FAM78B: variants seen among roughly 807,000 people sequenced by gnomAD.
FAM78B encodes family with sequence similarity 78 member B, also known as protein FAM78B.
FAM78B carries 10 observed loss-of-function variants against 20.0 expected under a neutral mutation model. That is an observed-to-expected ratio of 0.50 (90% confidence interval 0.31 to 0.85). FAM78B has a LOEUF of 0.85. Among genes scored for constraint, FAM78B ranks in the 40% least tolerant of loss-of-function variants. The pLI is 0.05. For synonymous variants in FAM78B, 135 were observed against 132.8 expected (o/e 1.02, Z -0.12); for missense variants, 283 against 345.0 (o/e 0.82, Z 1.42).
intron 1 of FAM78B, among the ~76,000 whole-genome samples, chr1:166,163,346 T>C (rs1656232970): frequency 6.6e-6 from 1 of 152,252 alleles, no homozygotes. Flanking sequence ...ATCATAGCCA[T>C]CAACTATTTC....
At chr1:166,116,590 A>C (rs544134724) in intron 1 of FAM78B, among the ~76,000 whole-genome samples, 1 of 152,300 alleles carries the variant, frequency 6.6e-6, no homozygotes, top group Non-Finnish European at 1.5e-5. Flanking sequence ...AGCATGATCC[A>C]CCTGCCCTCT....
At chr1:166,158,872 G>A (rs1656025651) in intron 1 of FAM78B, among the ~76,000 whole-genome samples, 2 of 152,380 alleles carry the variant, frequency 1.3e-5, no homozygotes. Context: ...TATTCACCAG[G>A]ATGCTCTGCT....
intron 1 of FAM78B, among the ~76,000 whole-genome samples, chr1:166,084,793 C>T (rs548335594): frequency 2.0e-5 from 3 of 152,276 alleles, no homozygotes; most frequent in South Asian, 2.1e-4. Context: ...TCAGGCTTGC[C>T]ACCTGCGCAT....
intron 1 of FAM78B, among the ~76,000 whole-genome samples, chr1:166,103,677 C>T (rs989365016): frequency 1.3e-5 from 2 of 152,154 alleles, no homozygotes; most frequent in African/African-American, 4.8e-5. Context: ...TCTGAATAGA[C>T]CGATAATAGA....
At chr1:166,141,795 T>C (rs1655289341) in intron 1 of FAM78B, among the ~76,000 whole-genome samples, 1 of 152,190 alleles carries the variant, frequency 6.6e-6, no homozygotes, top group Non-Finnish European at 1.5e-5. Flanking sequence ...CACTGACAGA[T>C]GCAAAGCTGT....
intron 1 of FAM78B, among the ~76,000 whole-genome samples, chr1:166,148,949 C>T (rs1249403459): frequency 2.6e-5 from 4 of 152,202 alleles, no homozygotes; most frequent in Admixed American, 2.6e-4. Context: ...CCAATTTCAT[C>T]CTTGTCCCTA....
chr1:166,152,704 A>T (rs1239046447), intron 1 of FAM78B, among the ~76,000 whole-genome samples: 1 of 151,204 alleles, frequency 6.6e-6, no homozygotes, highest in Non-Finnish European at 1.5e-5. Flanking sequence ...TTATTGATGG[A>T]ATCTCGCTCT....
chr1:166,156,291 G>T (rs1655893013), intron 1 of FAM78B, among the ~76,000 whole-genome samples: 1 of 152,228 alleles, frequency 6.6e-6, no homozygotes, highest in African/African-American at 2.4e-5. Flanking sequence ...CATTTAGGTG[G>T]TCCTGTTTAC....
At chr1:166,083,253 T>A (rs1557893079) in intron 1 of FAM78B, among the ~76,000 whole-genome samples, 3 of 152,132 alleles carry the variant, frequency 2.0e-5, no homozygotes. Context: ...ATATTCTCAT[T>A]AAAAAAATTA....
At chr1:166,124,545 C>T (rs890948191) in intron 1 of FAM78B, among the ~76,000 whole-genome samples, 1 of 152,190 alleles carries the variant, frequency 6.6e-6, no homozygotes, top group South Asian at 2.1e-4. Context: ...ATTTATATCA[C>T]TTGCCTGAGA....
At chr1:166,100,546 T>A (rs987385559) in intron 1 of FAM78B, among the ~76,000 whole-genome samples, 6 of 152,186 alleles carry the variant, frequency 3.9e-5, no homozygotes, top group African/African-American at 1.4e-4. Flanking sequence ...GGAGATTATA[T>A]CCCATGCATG....
chr1:166,102,013 G>C (rs138962286), intron 1 of FAM78B, among the ~76,000 whole-genome samples: 109 of 152,278 alleles, frequency 7.2e-4, no homozygotes, highest in African/African-American at 2.4e-3. Flanking sequence ...CTGAACTCTC[G>C]GCAGAAACTC....
chr1:166,130,981 C>CTTTT (rs869158425), intron 1 of FAM78B, among the ~76,000 whole-genome samples: 27 of 114,046 alleles, frequency 2.4e-4, no homozygotes, highest in Admixed American at 3.5e-4. Flanking sequence ...TCCCCAGGTG[C>CTTTT]TTTTTTTTTT....
chr1:166,104,773 T>C (rs1432928585), intron 1 of FAM78B, among the ~76,000 whole-genome samples: 2 of 152,126 alleles, frequency 1.3e-5, no homozygotes, highest in African/African-American at 4.8e-5. Flanking sequence ...AAAATGGCCA[T>C]ACTGCCCAAG....
intron 1 of FAM78B, among the ~76,000 whole-genome samples, chr1:166,094,678 C>G (rs1653208001): frequency 6.6e-6 from 1 of 152,162 alleles, no homozygotes; most frequent in Non-Finnish European, 1.5e-5. Context: ...TATTCTGACC[C>G]TATATGGATG....
At chr1:166,059,298 A>T (rs549242369) in exon 3 of FAM78B, 1 of 152,688 alleles carries the variant, frequency 6.5e-6, no homozygotes, top group Non-Finnish European at 1.5e-5. Context: ...CAGAGAGGAG[A>T]AGGGGCTGGA....
At chr1:166,142,756 T>G (rs909003562) in intron 1 of FAM78B, among the ~76,000 whole-genome samples, 8 of 152,252 alleles carry the variant, frequency 5.3e-5, no homozygotes, top group South Asian at 2.1e-4. Flanking sequence ...TGAAATGATG[T>G]ACGGGTAATG....
intron 2 of FAM78B, among the ~76,000 whole-genome samples, chr1:166,064,081 C>G (rs1158106591): frequency 6.6e-6 from 1 of 152,132 alleles, no homozygotes; most frequent in East Asian, 1.9e-4. Context: ...TGGGAAGCAG[C>G]CCTGAGGTGA....
At chr1:166,098,527 A>G (rs183343614) in intron 1 of FAM78B, among the ~76,000 whole-genome samples, 2 of 152,244 alleles carry the variant, frequency 1.3e-5, no homozygotes, top group African/African-American at 4.8e-5. Context: ...ATTCAAGGAA[A>G]TACACAGCTT....
Sources: gnomAD v4.1 joint callset for allele counts (sites outside exome capture counted in the v4.1 genomes callset) on GRCh38, gnomAD v4.1.1 for gene constraint, MANE v1.5 for transcripts, NCBI Gene and HGNC (gene_info 2026-07-23, HGNC 2026-07-21) for gene names.